The following NRG1 variants were observed in gnomAD, a reference collection of about 807,000 sequenced individuals.
The protein encoded by NRG1 is pro-neuregulin-1, membrane-bound isoform.
Under a neutral mutation model 63.8 loss-of-function variants are expected in NRG1, and 18 were observed. The ratio of observed to expected loss-of-function variants is 0.28; its 90% CI spans 0.19 to 0.42. The LOEUF (loss-of-function observed/expected upper bound fraction) is 0.42. Among genes scored for constraint, NRG1 ranks in the 10% least tolerant of loss-of-function variants. NRG1 has a pLI of 1.00. For missense variants in NRG1, 762 were observed against 814.7 expected (o/e 0.94, Z 0.79); for synonymous variants, 302 against 301.3 (o/e 1.00, Z -0.02).
intron 1 of NRG1, among the ~76,000 whole-genome samples, chr8:32,007,467 T>C (rs1191247916): frequency 6.6e-6 from 1 of 152,048 alleles, no homozygotes. Context: ...TCTCTAATAA[T>C]ACCATAAAAT....
chr8:31,811,566 G>T (rs529568518), intron 1 of NRG1, among the ~76,000 whole-genome samples: 1 of 152,040 alleles, frequency 6.6e-6, no homozygotes, highest in African/African-American at 2.4e-5. Flanking sequence ...GTATGTTACT[G>T]TTTTTATCTT....
At chr8:31,716,377 C>T (rs946439801) in intron 1 of NRG1, among the ~76,000 whole-genome samples, 3 of 152,190 alleles carry the variant, frequency 2.0e-5, no homozygotes, top group Non-Finnish European at 2.9e-5. Flanking sequence ...CATTGGCCTT[C>T]CAACTCGAGC....
intron 1 of NRG1, among the ~76,000 whole-genome samples, chr8:31,729,201 C>G (rs1317129594): frequency 6.6e-6 from 1 of 151,144 alleles, no homozygotes; most frequent in Non-Finnish European, 1.5e-5. Context: ...GAATAGAAGG[C>G]AAGACTTGGA....
chr8:32,748,480 AT>A (rs957077149), intron 7 of NRG1, among the ~76,000 whole-genome samples: 1 of 151,714 alleles, frequency 6.6e-6, no homozygotes, highest in Non-Finnish European at 1.5e-5. Context: ...ATCCCTGGAG[AT>A]TTTTTATTTT....
At chr8:31,866,769 A>C (rs185992668) in intron 1 of NRG1, among the ~76,000 whole-genome samples, 23 of 152,330 alleles carry the variant, frequency 1.5e-4, no homozygotes, top group African/African-American at 5.5e-4. Flanking sequence ...CTCTGCATGC[A>C]TAGGGAAGTA....
chr8:31,911,099 G>C (rs1038583291), intron 1 of NRG1, among the ~76,000 whole-genome samples: 1 of 152,158 alleles, frequency 6.6e-6, no homozygotes, highest in Non-Finnish European at 1.5e-5. Context: ...AGCCCCAGCT[G>C]TGCTCCTACC....
intron 1 of NRG1, among the ~76,000 whole-genome samples, chr8:31,803,768 G>A (rs992443603): frequency 2.0e-5 from 3 of 152,162 alleles, no homozygotes; most frequent in African/African-American, 4.8e-5. Context: ...ATGGCCTAAA[G>A]GGTCTACTTG....
intron 1 of NRG1, among the ~76,000 whole-genome samples, chr8:32,481,362 A>G (rs1825262805): frequency 6.6e-6 from 1 of 151,924 alleles, no homozygotes; most frequent in Admixed American, 6.6e-5. Flanking sequence ...ATAAATAAAC[A>G]AACAAATAAA....
chr8:31,787,561 C>T (rs1820296453), intron 1 of NRG1, among the ~76,000 whole-genome samples: 1 of 152,132 alleles, frequency 6.6e-6, no homozygotes, highest in African/African-American at 2.4e-5. Context: ...TAGAAAAGTA[C>T]ACAAAGGATC....
chr8:32,350,155 C>T (rs1805418953), intron 1 of NRG1, among the ~76,000 whole-genome samples: 1 of 152,068 alleles, frequency 6.6e-6, no homozygotes, highest in African/African-American at 2.4e-5. Flanking sequence ...ATCTTCTTTC[C>T]CAAGCTTGTC....
intron 1 of NRG1, among the ~76,000 whole-genome samples, chr8:31,891,968 G>A (rs570552324): frequency 2.0e-5 from 3 of 152,232 alleles, no homozygotes; most frequent in Non-Finnish European, 4.4e-5. Flanking sequence ...ATGAAGAACA[G>A]ATTAGTGGTT....
At chr8:32,173,242 G>T (rs1345495013) in intron 1 of NRG1, among the ~76,000 whole-genome samples, 1 of 152,068 alleles carries the variant, frequency 6.6e-6, no homozygotes, top group Non-Finnish European at 1.5e-5. Context: ...GCCAAACTAA[G>T]CTTCATAAGT....
intron 1 of NRG1, among the ~76,000 whole-genome samples, chr8:31,971,066 A>T (rs1452842822): frequency 9.9e-5 from 15 of 151,840 alleles, no homozygotes; most frequent in Admixed American, 9.8e-4. Flanking sequence ...AAAAATTATG[A>T]TATTTAAAGA....
intron 5 of NRG1, among the ~76,000 whole-genome samples, chr8:32,723,005 T>C (rs1232838278): frequency 6.6e-6 from 1 of 152,238 alleles, no homozygotes; most frequent in Non-Finnish European, 1.5e-5. Context: ...GGCTTGGTTA[T>C]ATATGTAACA....
chr8:31,791,274 C>T lies in NRG1; in HGVS notation c.37+151843C>T, dbSNP rs367946508. 2.4e-4 allele frequency among the ~76,000 whole-genome samples: 36 copies of T among 151,662 alleles called. No homozygotes were observed. In the East Asian group the frequency reaches 3.5e-3, roughly 15 times the overall value. Reference sequence around the variant, plus strand: ...AGTAAATAGGTTTTCCTCCTCATGCCAACTCAGATCAGTTGATAGTACCTG... The same window carrying T: ...AGTAAATAGGTTTTCCTCCTCATGCTAACTCAGATCAGTTGATAGTACCTG... On this transcript the variant is annotated intron_variant, in intron 1 of 10. Coordinates refer to the NRG1 transcript ENST00000519301.
At chr8:31,886,623 G>A (rs143062607) in intron 1 of NRG1, among the ~76,000 whole-genome samples, 2 of 152,192 alleles carry the variant, frequency 1.3e-5, no homozygotes, top group African/African-American at 2.4e-5. Context: ...TTTTTAATGT[G>A]TCTGTTGTGT....
At chr8:32,380,927 T>C (rs368949903) in intron 1 of NRG1, among the ~76,000 whole-genome samples, 11 of 152,192 alleles carry the variant, frequency 7.2e-5, no homozygotes, top group African/African-American at 2.7e-4. Context: ...ATTCAAATTA[T>C]TCTTTTCCAG....
intron 1 of NRG1, among the ~76,000 whole-genome samples, chr8:31,995,063 C>T (rs1223477215): frequency 6.6e-6 from 1 of 151,832 alleles, no homozygotes; most frequent in East Asian, 1.9e-4. Flanking sequence ...AGTTTATTCC[C>T]ATATTATGTT....
At chr8:32,043,312 A>AACTGTCAAGTAAAAATATTAT (rs1467673644) in intron 1 of NRG1, among the ~76,000 whole-genome samples, 3 of 152,120 alleles carry the variant, frequency 2.0e-5, no homozygotes, top group South Asian at 4.1e-4. Flanking sequence ...GGAGGAAAAG[A>AACTGTCAAGTAAAAATATTAT]ACTGTCAAGT....
Sources: allele counts gnomAD v4.1 joint callset (sites outside exome capture counted in the v4.1 genomes callset), GRCh38; gene constraint gnomAD v4.1.1; transcripts MANE v1.5; gene names NCBI Gene and HGNC (gene_info 2026-07-23, HGNC 2026-07-21).